The following OSBPL11 variants were observed in gnomAD, a reference collection of about 807,000 sequenced individuals.
OSBPL11 encodes oxysterol binding protein like 11, also known as oxysterol-binding protein-related protein 11.
In OSBPL11, 33 loss-of-function variants were observed where a neutral mutation model predicts 84.4. The observed-to-expected ratio is 0.39, with a 90% CI of 0.30 to 0.52. The LOEUF is 0.52. Among genes scored for constraint, OSBPL11 ranks in the 20% least tolerant of loss-of-function variants. The pLI, the probability that OSBPL11 is intolerant of heterozygous loss-of-function variation, is 0.72. For missense variants in OSBPL11, 736 were observed against 901.1 expected (o/e 0.82, Z 2.35); for synonymous variants, 276 against 310.2 (o/e 0.89, Z 1.16).
chr3:125,586,603 G>A (rs1936514979), intron 1 of OSBPL11, among the ~76,000 whole-genome samples: 1 of 151,244 alleles, frequency 6.6e-6, no homozygotes, highest in Non-Finnish European at 1.5e-5. Context: ...ACCTCCGCCT[G>A]CTGTGTTCAA....
intron 5 of OSBPL11, among the ~76,000 whole-genome samples, chr3:125,571,056 G>A (rs898713521): frequency 1.3e-5 from 2 of 152,098 alleles, no homozygotes; most frequent in Non-Finnish European, 2.9e-5. Flanking sequence ...CCCAAAATGC[G>A]GACAGCAATA....
In OSBPL11 at chr3:125,563,739, G is replaced by C. The variant is rs1282395181; in HGVS notation, c.973C>G (p.Pro325Ala). The C allele has an allele frequency of 6.2e-7, 1 of 1,614,038 alleles. No individual in the cohort carries two copies. Residue 325 changes from proline (P) to alanine (A), a missense_variant, in exon 7 of 13, where the codon CCA (proline) becomes GCA (alanine). Pro to Ala is a conservative substitution (Grantham distance 27). Coordinates refer to ENST00000296220, the MANE Select transcript of OSBPL11 (RefSeq NM_022776.5). Reference protein sequence around the residue: ...ATDQSKPVAVPEEQPVAESGL... With the variant: ...ATDQSKPVAVAEEQPVAESGL... ...GATTCTGCAACAGGCTGCTCTTCTG[G>C]GACTGCCACCGGCTTACTCTGATCA...
At chr3:125,589,441 C>A (rs1209660951) in intron 1 of OSBPL11, among the ~76,000 whole-genome samples, 1 of 151,626 alleles carries the variant, frequency 6.6e-6, no homozygotes, top group Admixed American at 6.6e-5. Flanking sequence ...AACTCTTGCT[C>A]CTCAAGACTT....
At chr3:125,532,577 CAA>C (rs371653670) in intron 11 of OSBPL11, among the ~76,000 whole-genome samples, 13 of 53,960 alleles carry the variant, frequency 2.4e-4, no homozygotes, top group Non-Finnish European at 2.9e-4. Context: ...AAATCTCAAG[CAA>C]AAAAAAAAAA....
intron 1 of OSBPL11, among the ~76,000 whole-genome samples, chr3:125,590,925 T>A (rs1936586713): frequency 6.6e-6 from 1 of 152,216 alleles, no homozygotes; most frequent in African/African-American, 2.4e-5. Flanking sequence ...CTTAGCTACA[T>A]GCAATATATA....
chr3:125,543,124 ATTTTTTTTTTTT>A (rs60571172), intron 10 of OSBPL11, among the ~76,000 whole-genome samples: 3 of 99,280 alleles, frequency 3.0e-5, no homozygotes, highest in South Asian at 3.5e-4. Flanking sequence ...GGCTAGTAAG[ATTTTTTTTTTTT>A]TTTTTTTTTT....
intron 5 of OSBPL11, among the ~76,000 whole-genome samples, chr3:125,573,633 C>T (rs549076522): frequency 2.6e-5 from 4 of 151,918 alleles, no homozygotes; most frequent in South Asian, 2.1e-4. Context: ...GAGGCCGAGG[C>T]GGGTGGATCA....
intron 5 of OSBPL11, among the ~76,000 whole-genome samples, chr3:125,575,155 C>T (rs544118341): frequency 6.6e-6 from 1 of 152,114 alleles, no homozygotes; most frequent in South Asian, 2.1e-4. Flanking sequence ...ATGAGAATTC[C>T]GTTGTGTTCT....
Position 125,534,332 on chromosome 3 carries a change from G to A in OSBPL11, c.2025-2318C>T, listed in dbSNP as rs763148721. Reference sequence around the variant, plus strand: ...AGGGAGGTGGAGGTTGCAGTGAGCCGAGACTGCATCACTGCACTCCAGCCT... The same window carrying A: ...AGGGAGGTGGAGGTTGCAGTGAGCCAAGACTGCATCACTGCACTCCAGCCT... On this transcript the variant is annotated intron_variant, in intron 11 of 12. Coordinates refer to ENST00000296220, the MANE Select transcript of OSBPL11 (RefSeq NM_022776.5). 5.5e-4 allele frequency among the ~76,000 whole-genome samples: 83 copies of A among 151,458 alleles called. 1 individual carries two copies. Among genetic ancestry groups the A allele is most frequent in the Non-Finnish European group, 1.6e-4 (11 of 67,912 alleles).
chr3:125,570,851 A>G (rs1211459986), intron 5 of OSBPL11, among the ~76,000 whole-genome samples: 4 of 152,190 alleles, frequency 2.6e-5, no homozygotes, highest in Non-Finnish European at 5.9e-5. Context: ...GTATGTCTTT[A>G]TCAGAAGCAT....
In OSBPL11 at chr3:125,576,195, G is replaced by A; in HGVS notation, c.660C>T (p.Val220=). ...GACTTTAATTCATACTTACTTCTCT[G>A]ACTTCCACAAGATGGTCTGGAGGTA... is the stretch of plus-strand genomic sequence containing the variant. ...TNLPPDHLVE[V]REMMSHAEGQ... Residue 220 remains valine, a synonymous_variant, in exon 5 of 13, where the codon GTC becomes GTT. Coordinates refer to ENST00000296220, the MANE Select transcript of OSBPL11 (RefSeq NM_022776.5). 6.2e-7 allele frequency: 1 copy of A among 1,602,794 alleles called. No individual in the cohort carries two copies. The highest frequency in any genetic ancestry group is 8.5e-7 in the Non-Finnish European group (1 of 1,176,460).
chr3:125,591,289 C>T (rs1936591794), intron 1 of OSBPL11, among the ~76,000 whole-genome samples: 1 of 152,144 alleles, frequency 6.6e-6, no homozygotes, highest in Non-Finnish European at 1.5e-5. Context: ...CCCAATAATC[C>T]CCACCTGCTG....
chr3:125,552,448 T>A lies in OSBPL11; in HGVS notation c.1387A>T (p.Met463Leu). The A allele has an allele frequency of 6.2e-7, 1 of 1,614,192 alleles. No homozygotes were observed. The highest frequency in any genetic ancestry group is 8.5e-7 in the Non-Finnish European group (1 of 1,180,044). Residue 463 changes from methionine (M) to leucine (L), a missense_variant, in exon 9 of 13, where the codon ATG becomes TTG. By Grantham distance (15) the Met-to-Leu change is conservative. This residue lies in a region of OSBPL11 where 579 missense variants were observed against 717.6 expected (regional missense o/e 0.81). Coordinates refer to ENST00000296220, the MANE Select transcript of OSBPL11 (RefSeq NM_022776.5). ...IGETFHCSWK[M>L]PKSEVASSVF... is the part of the protein sequence containing the mutation. ...CTGGATGCTACCTCGCTTTTTGGCA[T>A]CTTCCAGGAACAGTGAAATGTTTCT...
intron 5 of OSBPL11, among the ~76,000 whole-genome samples, chr3:125,572,939 A>C (rs1936264541): frequency 8.8e-6 from 1 of 113,260 alleles, no homozygotes; most frequent in Non-Finnish European, 1.9e-5. Context: ...ACACACACAT[A>C]CTTTAAAGCA....
At position 125,540,328 on chromosome 3, in the gene OSBPL11, C is replaced by CAAAAAAAAA. The variant is rs201858368; in HGVS notation, c.1842-1704_1842-1696dup. 8.3e-3 allele frequency among the ~76,000 whole-genome samples: 708 copies of CAAAAAAAAA among 85,240 alleles called. 79 individuals carry two copies. The highest frequency in any genetic ancestry group is 0.011 in the Non-Finnish European group (530 of 47,000). 55.9% of individuals were successfully genotyped at this position (85,240 alleles called of 152,430 possible). ...TGGGCGACAGAGGATGGCTCTGTCTCAAAAAAAAAAAAAAAAAAAAAAAAA... is the reference window on the plus strand; with the variant it reads ...TGGGCGACAGAGGATGGCTCTGTCTCAAAAAAAAAAAAAAAAAAAAAAAAAAAAAAAAAA... On this transcript the variant is annotated intron_variant, in intron 10 of 12. Coordinates refer to ENST00000296220, the MANE Select transcript of OSBPL11 (RefSeq NM_022776.5).
At chr3:125,572,780 T>C (rs949588655) in intron 5 of OSBPL11, among the ~76,000 whole-genome samples, 2 of 149,832 alleles carry the variant, frequency 1.3e-5, no homozygotes, top group African/African-American at 4.9e-5. Flanking sequence ...TATGTCTTTA[T>C]CAGCAGTATG....
chr3:125,550,425 AAGAG>A (rs35797005), intron 9 of OSBPL11, among the ~76,000 whole-genome samples: 1 of 149,628 alleles, frequency 6.7e-6, no homozygotes, highest in East Asian at 1.9e-4. Flanking sequence ...AAAAAAAAAA[AAGAG>A]AGTACTTTCT....
At chr3:125,583,072 A>T (rs918436244) in intron 1 of OSBPL11, 94 bp from the exon 2 acceptor site, 1 of 800,022 alleles carries the variant, frequency 1.2e-6, no homozygotes, top group Non-Finnish European at 2.0e-6. Flanking sequence ...AGATACATAT[A>T]TGCTCTATAA....
chr3:125,556,439 C>G (rs769227649), intron 8 of OSBPL11, among the ~76,000 whole-genome samples: 4 of 152,168 alleles, frequency 2.6e-5, no homozygotes, highest in Non-Finnish European at 4.4e-5. Flanking sequence ...TCAATCTATT[C>G]CTCAGAGTTG....
Sources: allele counts gnomAD v4.1 joint callset (sites outside exome capture counted in the v4.1 genomes callset), GRCh38; gene constraint gnomAD v4.1.1; regional missense constraint gnomAD v4.1.1; transcripts MANE v1.5; gene names NCBI Gene and HGNC (gene_info 2026-07-23, HGNC 2026-07-21).